The following CPD variants were observed in gnomAD, a reference collection of about 807,000 sequenced individuals.
CPD encodes the protein metallocarboxypeptidase D.
CPD carries 69 observed loss-of-function variants against 138.3 expected under a neutral mutation model. The ratio of observed to expected loss-of-function variants is 0.50; its 90% confidence interval spans 0.41 to 0.61. CPD has a LOEUF of 0.61. Ranked by LOEUF, CPD falls within the 20% of genes least tolerant of loss-of-function variation. The probability of loss-of-function intolerance (pLI) is 0.00; values close to 1 mark genes in which losing one functional copy is unlikely to be tolerated. For missense variants in CPD, 1,432 were observed against 1,733.3 expected, an observed-to-expected ratio of 0.83 and a Z score of 3.09; for synonymous variants, 651 against 642.1, an observed-to-expected ratio of 1.01 and a Z score of -0.21.
Position 30,379,493 on chromosome 17 carries a change from C to A in CPD, c.513C>A (p.Leu171=). ...RRGDPRLVRL[L]NTTDVYLLPS... is the part of the protein sequence containing the mutation. ...GGGACCCGCGCCTGGTCCGCCTGCT[C>A]AACACCACCGACGTGTACCTGCTGC... Residue 171 remains leucine (L), a synonymous_variant, in exon 1 of 21, where the codon CTC becomes CTA. Coordinates refer to ENST00000225719, the MANE Select transcript of CPD (RefSeq NM_001304.5). The surrounding 1 kb of genome is among the most constrained non-coding windows in gnomAD (Gnocchi z 7.0). 6.4e-7 allele frequency: 1 copy of A among 1,573,950 alleles called. No homozygotes were observed. Among genetic ancestry groups the A allele is most frequent in the Non-Finnish European group, 8.6e-7 (1 of 1,165,220 alleles).
rs1912455891 is a variant in CPD at position 30,427,663 on chromosome 17, C to A, written c.2017+105C>A. The A allele has an allele frequency of 1.7e-5, 17 of 972,060 alleles. No homozygotes were observed. In the East Asian group the frequency reaches 4.1e-4, roughly 24 times the overall value. The allele number at this position is 972,060 out of a possible 1,614,324, so 60.2% of individuals were successfully genotyped here. Reference sequence around the variant, plus strand: ...TGTTATGCTTTCTTAAAATGAGTATCCTGTTACTGCTCTTATGGCAGACAA... The same window carrying A: ...TGTTATGCTTTCTTAAAATGAGTATACTGTTACTGCTCTTATGGCAGACAA... On this transcript the variant is annotated intron_variant, in intron 7 of 20. Transcript: ENST00000225719.
chr17:30,438,581 C>G (rs1282506440), intron 8 of CPD, among the ~76,000 whole-genome samples: 1 of 152,128 alleles, frequency 6.6e-6, no homozygotes, highest in Non-Finnish European at 1.5e-5. Context: ...AAGCTGCTTG[C>G]TTTTATTGTG....
At chr17:30,397,737 CAAAAAAAAAAAAAAAA>C (rs71138885) in intron 2 of CPD, among the ~76,000 whole-genome samples, 1 of 31,850 alleles carries the variant, frequency 3.1e-5, no homozygotes, top group Non-Finnish European at 6.7e-5. Context: ...ACTCCTGTCT[CAAAAAAAAAAAAAAAA>C]AAAAAAAAAG....
Position 30,427,602 on chromosome 17 carries a change from A to C in CPD, c.2017+44A>C, listed in dbSNP as rs193249762. On this transcript the variant is annotated intron_variant, in intron 7 of 20. Coordinates refer to ENST00000225719, the MANE Select transcript of CPD (RefSeq NM_001304.5). ...CTACTAATCAGTTCTTGTTGAGAGCATTTGGAAATCCTGGTGGAATTTTAT... is the reference window on the plus strand; with the variant it reads ...CTACTAATCAGTTCTTGTTGAGAGCCTTTGGAAATCCTGGTGGAATTTTAT... 5.8e-6 allele frequency: 9 copies of C among 1,554,652 alleles called. No homozygotes were observed. The South Asian group carries it at 9.1e-5, about 16-fold the overall frequency.
At chr17:30,432,572 G>T (rs919401737) in intron 8 of CPD, among the ~76,000 whole-genome samples, 2 of 151,942 alleles carry the variant, frequency 1.3e-5, no homozygotes, top group Admixed American at 6.6e-5. Context: ...CTTACAATCG[G>T]GAATGTTAAA....
At position 30,465,888 on chromosome 17, in the gene CPD, G is replaced by A. The variant is rs780859334; in HGVS notation, c.*1074G>A. On this transcript the variant is annotated 3_prime_UTR_variant, in exon 21 of 21. Transcript: ENST00000225719. ...ATACTATTATTGAAATCGCTTGACCGGTCTTGTTCACATAGGCCTCTGGGA... is the reference window on the plus strand; with the variant it reads ...ATACTATTATTGAAATCGCTTGACCAGTCTTGTTCACATAGGCCTCTGGGA... 7.9e-5 allele frequency: 12 copies of A among 152,506 alleles called. No individual in the cohort carries two copies. Among genetic ancestry groups the A allele is most frequent in the Non-Finnish European group, 1.3e-4 (9 of 68,004 alleles). 9.4% of individuals were successfully genotyped at this position (152,506 alleles called of 1,614,324 possible). A position where few individuals can be genotyped will look rare whatever the true frequency, so the allele number is the denominator to read the frequency against.
At chr17:30,459,930 TC>T (rs1567885393) in intron 17 of CPD, among the ~76,000 whole-genome samples, 1 of 152,200 alleles carries the variant, frequency 6.6e-6, no homozygotes, top group Non-Finnish European at 1.5e-5. Context: ...CTGCCTGTCT[TC>T]CCTCCTTTAT....
chr17:30,455,590 T>C, intron 15 of CPD, 120 bp downstream of exon 15: 1 of 1,098,200 alleles, frequency 9.1e-7, no homozygotes, highest in Non-Finnish European at 1.3e-6. Flanking sequence ...TATGAGCAAA[T>C]TACCAACCAA....
intron 20 of CPD, among the ~76,000 whole-genome samples, chr17:30,463,353 G>A (rs1913545365): frequency 6.6e-6 from 1 of 152,194 alleles, no homozygotes; most frequent in Admixed American, 6.5e-5. Flanking sequence ...GAGAGAGGGA[G>A]GAATCTACCT....
At chr17:30,388,746 G>T (rs2143313719) in intron 2 of CPD, among the ~76,000 whole-genome samples, 1 of 152,190 alleles carries the variant, frequency 6.6e-6, no homozygotes, top group South Asian at 2.1e-4. Flanking sequence ...CCTAATCCTC[G>T]CTGGGCCTGG....
At chr17:30,416,360 A>G (rs1392691904) in intron 2 of CPD, among the ~76,000 whole-genome samples, 2 of 152,204 alleles carry the variant, frequency 1.3e-5, no homozygotes, top group Non-Finnish European at 1.5e-5. Context: ...CTAGAGCTCT[A>G]TTGCACAGCA....
chr17:30,411,901 G>C (rs1911978824), intron 2 of CPD, among the ~76,000 whole-genome samples: 1 of 152,200 alleles, frequency 6.6e-6, no homozygotes, highest in Non-Finnish European at 1.5e-5. Context: ...TTGTTCCGTT[G>C]CTGGCAAGGA....
At chr17:30,395,634 C>T (rs1911483937) in intron 2 of CPD, among the ~76,000 whole-genome samples, 1 of 150,854 alleles carries the variant, frequency 6.6e-6, no homozygotes, top group African/African-American at 2.4e-5. Context: ...GGCCCCCAGT[C>T]TTTAGATCTA....
intron 7 of CPD, among the ~76,000 whole-genome samples, chr17:30,428,973 T>C (rs562204022): frequency 7.5e-4 from 114 of 152,218 alleles, no homozygotes; most frequent in African/African-American, 2.7e-3. Flanking sequence ...AGTACCATAG[T>C]GGAGACTTCA....
In CPD at chr17:30,409,088, G is replaced by A. The variant is rs181354128; in HGVS notation, c.995-11753G>A. Among the ~76,000 whole-genome samples the A allele has an allele frequency of 1.8e-4, 27 of 150,940 alleles. 1 individual carries two copies. The East Asian group carries it at 5.1e-3, about 28-fold the overall frequency. On this transcript the variant is annotated intron_variant, in intron 2 of 20. Coordinates refer to ENST00000225719, the MANE Select transcript of CPD (RefSeq NM_001304.5). ...GAAGGGCTGTTGAATTTTGTCTAAG[G>A]CCTTTTCAGTATCTATTGAGATAAT...
chr17:30,455,131 A>G (rs1249016803), intron 14 of CPD: 1 of 506,824 alleles, frequency 2.0e-6, no homozygotes, highest in African/African-American at 1.9e-5. Context: ...GTATATACAC[A>G]TCCTGAAGTA....
At chr17:30,428,864 T>C (rs901677782) in intron 7 of CPD, among the ~76,000 whole-genome samples, 1 of 144,656 alleles carries the variant, frequency 6.9e-6, no homozygotes, top group Non-Finnish European at 1.5e-5. Flanking sequence ...GGTATTTGAA[T>C]TACATCAGTA....
At chr17:30,413,653 C>T (rs1912025907) in intron 2 of CPD, among the ~76,000 whole-genome samples, 1 of 152,176 alleles carries the variant, frequency 6.6e-6, no homozygotes, top group South Asian at 2.1e-4. Flanking sequence ...CATCAATGGG[C>T]ATAACAAAGA....
chr17:30,461,742 A>G (rs1416555578), intron 18 of CPD, 135 bp from the exon 19 acceptor site: 4 of 662,280 alleles, frequency 6.0e-6, no homozygotes, highest in Non-Finnish European at 1.0e-5. Flanking sequence ...CAGGCCATAC[A>G]GAGTTTGATA....
Sources: gnomAD v4.1 joint callset for allele counts (sites outside exome capture counted in the v4.1 genomes callset) on GRCh38, gnomAD v4.1.1 for gene constraint, Gnocchi (gnomAD v3.1) non-coding constraint, MANE v1.5 for transcripts, NCBI Gene and HGNC (gene_info 2026-07-23, HGNC 2026-07-21) for gene names.